HPS3: variants seen among roughly 807,000 people sequenced by gnomAD.
HPS3 encodes the protein HPS3 biogenesis of lysosomal organelles complex 2 subunit 1.
HPS3 carries 79 observed loss-of-function variants against 110.9 expected under a neutral mutation model. That is an observed-to-expected ratio of 0.71 (90% confidence interval 0.59 to 0.86). The LOEUF is 0.86. Among genes scored for constraint, HPS3 ranks in the 40% least tolerant of loss-of-function variants. The pLI is 0.00. For missense variants in HPS3, 1,197 were observed against 1,206.2 expected (o/e 0.99, Z 0.11); for synonymous variants, 428 against 451.0 (o/e 0.95, Z 0.65).
rs140443498 is a variant in HPS3, at chr3:149,160,228, G to A, written c.2055G>A (p.Leu685=). 7,353 of 1,613,840 alleles carry A rather than the reference G, an allele frequency of 4.6e-3. 21 individuals carry two copies. The highest frequency in any genetic ancestry group is 5.5e-3 in the Non-Finnish European group (6,537 of 1,179,824). Residue 685 remains leucine (L), a synonymous_variant, in exon 11 of 17, where the codon CTG becomes CTA. Transcript: ENST00000296051. ...CATTGACCAAGGCAGCAGTGGCTCT[G>A]AAAATGGGAGATCTTGACATGCACA... The part of the protein sequence containing the change: ...LVTLTKAAVA[L]KMGDLDMHRN...
Position 149,162,222 on chromosome 3 carries a change from C to G in HPS3, c.2181C>G (p.Thr727=), listed in dbSNP as rs573058813. 1.9e-6 allele frequency: 3 copies of G among 1,613,932 alleles called. No individual in the cohort carries two copies. Among genetic ancestry groups the G allele is most frequent in the Non-Finnish European group, 2.5e-6 (3 of 1,179,902 alleles). Residue 727 remains threonine (T), a synonymous_variant, in exon 12 of 17, where the codon ACC becomes ACG. Transcript: ENST00000296051. ...IQQRKGQIVP[T]ELALHLKETQ... ...AGAGAAAGGGACAGATTGTTCCAACCGAGCTTGCACTTCACTTGAAGGAAA... is the reference window on the plus strand; with the variant it reads ...AGAGAAAGGGACAGATTGTTCCAACGGAGCTTGCACTTCACTTGAAGGAAA...
At chr3:149,145,300 C>T in intron 4 of HPS3, 54 bp from the exon 5 acceptor site, 1 of 1,328,958 alleles carries the variant, frequency 7.5e-7, no homozygotes, top group Admixed American at 1.7e-5. Context: ...ATGATTATTT[C>T]CCCCTTTATT....
chr3:149,154,586 TAAAC>T (rs1354496631), intron 7 of HPS3, among the ~76,000 whole-genome samples: 3 of 152,220 alleles, frequency 2.0e-5, no homozygotes, highest in Admixed American at 1.3e-4. Flanking sequence ...ATTCATTTGA[TAAAC>T]AATTATAAAA....
rs907156373 is a variant in HPS3 at position 149,170,898 on chromosome 3, C to T, written c.2888-1197C>T. On this transcript the variant is annotated intron_variant, in intron 16 of 16. Coordinates refer to ENST00000296051, the MANE Select transcript of HPS3 (RefSeq NM_032383.5). ...GTTCATAACTGTCACCCTTCTATTC[C>T]GGGAGAGGGCAGCATGTATCTGTTA... Among the ~76,000 whole-genome samples the T allele has an allele frequency of 1.5e-4, 23 of 151,968 alleles. 1 individual carries two copies. The highest frequency in any genetic ancestry group is 3.9e-4 in the Admixed American group (6 of 15,234).
chr3:149,167,061 A>C lies in HPS3; in HGVS notation c.2617A>C (p.Ile873Leu). ...QSLICGPSFD[I>L]ASIIPFLEPL... ...TCTTATATGTGGTCCTTCATTTGAC[A>C]TAGCTTCCATTATTCCGTTCTTGGA... The change falls in exon 15 of 17, where the codon ATA (isoleucine) becomes CTA (leucine). Residue 873 changes from isoleucine to leucine, a missense_variant. Physicochemically the swap from Ile to Leu is conservative, Grantham distance 5 (BLOSUM62 2). Transcript: ENST00000296051. 1.9e-6 allele frequency: 3 copies of C among 1,613,610 alleles called. No individual in the cohort carries two copies. Among genetic ancestry groups the C allele is most frequent in the Non-Finnish European group, 2.5e-6 (3 of 1,179,622 alleles).
Position 149,129,713 on chromosome 3 carries a change from C to T in HPS3, c.-11C>T, listed in dbSNP as rs371840373. The T allele has an allele frequency of 1.7e-5, 27 of 1,570,622 alleles. No individual in the cohort carries two copies. In the African/African-American group the frequency reaches 2.3e-4, roughly 13 times the overall value. ...GGGCGGGCAGGCTGTGCCATCCCGCCGGACGTCGGGATGGTGCAGCTGTAC... is the reference window on the plus strand; with the variant it reads ...GGGCGGGCAGGCTGTGCCATCCCGCTGGACGTCGGGATGGTGCAGCTGTAC... On this transcript the variant is annotated 5_prime_UTR_variant, in exon 1 of 17. Coordinates refer to ENST00000296051, the MANE Select transcript of HPS3 (RefSeq NM_032383.5).
chr3:149,146,518 T>C (rs186737287), intron 5 of HPS3, among the ~76,000 whole-genome samples: 19 of 152,322 alleles, frequency 1.2e-4, no homozygotes, highest in Admixed American at 5.9e-4. Context: ...ACAAAAACTG[T>C]ATCAAGTTTT....
chr3:149,145,744 G>T (rs1722750462), intron 5 of HPS3, among the ~76,000 whole-genome samples, 198 bp downstream of exon 5: 1 of 152,138 alleles, frequency 6.6e-6, no homozygotes, highest in South Asian at 2.1e-4. Context: ...TTTTGTCTTT[G>T]TTTGTTTCCC....
At chr3:149,167,794 T>G (rs1724574775) in intron 15 of HPS3, 99 bp from the exon 16 acceptor site, 8 of 779,058 alleles carry the variant, frequency 1.0e-5, no homozygotes, top group Non-Finnish European at 1.8e-5. Context: ...AAATGATGTA[T>G]TTTTGCTCTG....
chr3:149,167,910 A>G lies in HPS3; in HGVS notation c.2814A>G (p.Lys938=). 1 of 1,603,450 alleles carries G rather than the reference A, an allele frequency of 6.2e-7. No homozygotes were observed. Among genetic ancestry groups the G allele is most frequent in the Non-Finnish European group, 8.5e-7 (1 of 1,170,380 alleles). The change falls in exon 16 of 17, where the codon AAA becomes AAG. Residue 938 remains lysine, a synonymous_variant. Transcript: ENST00000296051. ...KEENRTLWWK[K]LLPELCQRIK... ...TAAGATAGACTCTGTGGTGGAAAAA[A>G]CTGTTGCCTGAACTTTGTCAGAGAA...
At chr3:149,157,875 T>C (rs986549913) in intron 9 of HPS3, among the ~76,000 whole-genome samples, 3 of 152,238 alleles carry the variant, frequency 2.0e-5, no homozygotes, top group Non-Finnish European at 4.4e-5. Context: ...TTAGTAAAGT[T>C]AACACTTGGA....
chr3:149,157,280 T>C, intron 8 of HPS3, 70 bp from the exon 9 acceptor site: 1 of 1,302,374 alleles, frequency 7.7e-7, no homozygotes, highest in African/African-American at 1.5e-5. Flanking sequence ...AATATATAAA[T>C]GTTTTTAAGA....
intron 8 of HPS3, 30 bp downstream of exon 8, chr3:149,155,245 T>C (rs1723375580): frequency 8.6e-7 from 1 of 1,161,582 alleles, no homozygotes; most frequent in Non-Finnish European, 1.3e-6. Context: ...GATTCTTGTT[T>C]GTAGATATTT....
intron 14 of HPS3, among the ~76,000 whole-genome samples, chr3:149,164,197 C>T (rs936141311): frequency 6.6e-6 from 1 of 152,124 alleles, no homozygotes; most frequent in Non-Finnish European, 1.5e-5. Context: ...ACCAAGTCTC[C>T]TGGCTGATTT....
chr3:149,142,037 A>G (rs1191581579), intron 4 of HPS3, among the ~76,000 whole-genome samples: 1 of 151,572 alleles, frequency 6.6e-6, no homozygotes, highest in Admixed American at 6.6e-5. Context: ...TTTAGTAGAG[A>G]TGGGGTTTCT....
In HPS3 at chr3:149,167,955, G is replaced by T; in HGVS notation, c.2859G>T (p.Lys953Asn). 6.3e-7 allele frequency: 1 copy of T among 1,592,086 alleles called. No individual in the cohort carries two copies. Among genetic ancestry groups the T allele is most frequent in the Non-Finnish European group, 8.6e-7 (1 of 1,160,264 alleles). ...AGAGAATAAAATGTGGTGGAGAGAA[G>T]TATCAACTCTACCTGTCATCATTAA... The part of the protein sequence containing the change: ...LCQRIKCGGE[K>N]YQLYLSSLKE... The change falls in exon 16 of 17, where the codon AAG (lysine) becomes AAT (asparagine). Residue 953 changes from lysine (K) to asparagine (N), a missense_variant. Lys to Asn is a moderately conservative substitution (Grantham distance 94). Transcript: ENST00000296051.
Position 149,150,617 on chromosome 3 carries a change from C to G in HPS3, c.1182C>G (p.Phe394Leu), listed in dbSNP as rs1298976710. Residue 394 changes from phenylalanine (F) to leucine (L), a missense_variant, in exon 6 of 17, where the codon TTC becomes TTG. Physicochemically the swap from Phe to Leu is conservative, Grantham distance 22. Coordinates refer to ENST00000296051, the MANE Select transcript of HPS3 (RefSeq NM_032383.5). Reference sequence around the variant, plus strand: ...TCCTCAGTAACAACCTGCAGTGTTTCACTGTGCGGTGCAGTGCGGCGGCAG... The same window carrying G: ...TCCTCAGTAACAACCTGCAGTGTTTGACTGTGCGGTGCAGTGCGGCGGCAG... ...HVITSNNLQCFTVRCSAAAAR... is the reference protein window; with the variant it reads ...HVITSNNLQCLTVRCSAAAAR... 27 of 1,613,922 alleles carry G rather than the reference C, an allele frequency of 1.7e-5. No individual in the cohort carries two copies. Among genetic ancestry groups the G allele is most frequent in the Non-Finnish European group, 2.0e-5 (24 of 1,179,934 alleles).
intron 5 of HPS3, among the ~76,000 whole-genome samples, chr3:149,150,375 G>C (rs1264289302): frequency 6.6e-6 from 1 of 152,140 alleles, no homozygotes. Context: ...TAGAGATTGC[G>C]ATTCACTAGG....
chr3:149,162,607 G>C, intron 12 of HPS3, 83 bp from the exon 13 acceptor site: 1 of 1,387,688 alleles, frequency 7.2e-7, no homozygotes. Context: ...TGGCCCATGT[G>C]ATGCTGTGAT....
Sources: gnomAD v4.1 joint callset for allele counts (sites outside exome capture counted in the v4.1 genomes callset) on GRCh38, gnomAD v4.1.1 for gene constraint, MANE v1.5 for transcripts, NCBI Gene and HGNC (gene_info 2026-07-23, HGNC 2026-07-21) for gene names.